The following AGAP1 variants were observed in gnomAD, a reference collection of about 807,000 sequenced individuals.
The protein encoded by AGAP1 is ArfGAP with GTPase domain, ankyrin repeat and PH domain 1.
Under a neutral mutation model 105.3 loss-of-function variants are expected in AGAP1, and 29 were observed. The ratio of observed to expected loss-of-function variants is 0.28; its 90% CI spans 0.21 to 0.38. The LOEUF is 0.38. Ranked by LOEUF, AGAP1 falls within the 10% of genes least tolerant of loss-of-function variation. The probability of loss-of-function intolerance (pLI) is 1.00; values close to 1 mark genes in which losing one functional copy is unlikely to be tolerated. For synonymous variants in AGAP1, 509 were observed against 485.9 expected, an observed-to-expected ratio of 1.05 and a Z score of -0.63; for missense variants, 998 against 1,165.1, an observed-to-expected ratio of 0.86 and a Z score of 2.09.
intron 6 of AGAP1, among the ~76,000 whole-genome samples, chr2:235,756,170 T>C (rs998868809): frequency 5.9e-5 from 9 of 152,216 alleles, no homozygotes; most frequent in Non-Finnish European, 1.0e-4. Context: ...TGTCTTCAAA[T>C]GCTTTGAGTT....
At chr2:235,498,935 CCA>C (rs1941441401) in intron 1 of AGAP1, among the ~76,000 whole-genome samples, 1 of 152,182 alleles carries the variant, frequency 6.6e-6, no homozygotes, top group African/African-American at 2.4e-5. Flanking sequence ...TATCTCAGCC[CCA>C]GTGTTTGGGG....
intron 6 of AGAP1, among the ~76,000 whole-genome samples, chr2:235,783,883 ATAGT>A (rs1956436275): frequency 6.6e-6 from 1 of 152,170 alleles, no homozygotes; most frequent in Non-Finnish European, 1.5e-5. Context: ...AAAGAACCTA[ATAGT>A]TAATCACGTG....
intron 16 of AGAP1, among the ~76,000 whole-genome samples, chr2:236,084,167 C>T (rs1463246175): frequency 1.3e-5 from 2 of 151,970 alleles, no homozygotes; most frequent in Non-Finnish European, 2.9e-5. Flanking sequence ...GGCTGGGAGG[C>T]CCCGGTGGGG....
intron 1 of AGAP1, among the ~76,000 whole-genome samples, chr2:235,618,310 AT>A (rs1193008090): frequency 6.6e-6 from 1 of 152,002 alleles, no homozygotes; most frequent in African/African-American, 2.4e-5. Flanking sequence ...TTTGTAGGTG[AT>A]TTTTCGGGAG....
At chr2:235,497,723 T>C (rs934557639) in intron 1 of AGAP1, among the ~76,000 whole-genome samples, 2 of 152,086 alleles carry the variant, frequency 1.3e-5, no homozygotes, top group Admixed American at 1.3e-4. Context: ...GCCTCCCGAG[T>C]AGCTGGGACT....
At chr2:235,706,115 C>T (rs1419737481) in intron 1 of AGAP1, among the ~76,000 whole-genome samples, 1 of 152,230 alleles carries the variant, frequency 6.6e-6, no homozygotes, top group African/African-American at 2.4e-5. Flanking sequence ...TGACTTCAGC[C>T]ATCTAGTTCC....
intron 16 of AGAP1, among the ~76,000 whole-genome samples, chr2:236,091,744 C>T (rs2059065863): frequency 6.6e-6 from 1 of 152,216 alleles, no homozygotes; most frequent in South Asian, 2.1e-4. Flanking sequence ...TGAACTCCAG[C>T]CTGGGCAACA....
rs572865138 is a variant in AGAP1 at position 235,622,130 on chromosome 2, T to G, written c.164-87049T>G. Among the ~76,000 whole-genome samples the G allele has an allele frequency of 6.6e-5, 10 of 152,200 alleles. No homozygotes were observed. The highest frequency in any genetic ancestry group is 1.3e-4 in the Non-Finnish European group (9 of 68,042). Reference sequence around the variant, plus strand: ...ACATGCAGACATCCAAAATAAACTTTTTTTTTTCTGTACAAAATTAGATTT... The same window carrying G: ...ACATGCAGACATCCAAAATAAACTTGTTTTTTTCTGTACAAAATTAGATTT... On this transcript the variant is annotated intron_variant, in intron 1 of 17. Coordinates refer to ENST00000304032, the MANE Select transcript of AGAP1 (RefSeq NM_001037131.3). The surrounding 1 kb of genome is among the most constrained non-coding windows in gnomAD (Gnocchi z 5.0).
At chr2:235,950,576 G>C (rs1232391350) in intron 12 of AGAP1, among the ~76,000 whole-genome samples, 1 of 152,038 alleles carries the variant, frequency 6.6e-6, no homozygotes, top group Non-Finnish European at 1.5e-5. Context: ...CACCCCAGGG[G>C]ATGAAGGCTG....
At chr2:235,947,559 TG>T (rs1447090288) in intron 12 of AGAP1, among the ~76,000 whole-genome samples, 2 of 152,254 alleles carry the variant, frequency 1.3e-5, no homozygotes, top group African/African-American at 4.8e-5. Context: ...AGTGTCTTTT[TG>T]TATAATGACT....
chr2:235,695,879 T>G (rs998929740), intron 1 of AGAP1, among the ~76,000 whole-genome samples: 1 of 152,172 alleles, frequency 6.6e-6, no homozygotes, highest in Admixed American at 6.5e-5. Context: ...CAGGAGATAC[T>G]GAATAACCAA....
At chr2:235,653,757 T>C (rs10460279) in intron 1 of AGAP1, among the ~76,000 whole-genome samples, 71,823 of 152,134 alleles carry the variant, frequency 0.47, 17,083 homozygotes, top group Middle Eastern at 0.55. Flanking sequence ...AATGGCCTTA[T>C]GTATTAAAAA....
rs186262498 is a variant in AGAP1 at position 235,734,954 on chromosome 2, C to T, written c.311-6009C>T. On this transcript the variant is annotated intron_variant, in intron 3 of 17. Transcript: ENST00000304032. This position sits in a 1 kb window ranked among gnomAD's most constrained non-coding sequence, Gnocchi z 5.3. ...ATTTGGGTGTTGCCAGTGATGTTTG[C>T]GTCATAAGATGGGGTGAGGGCTAAC... is the stretch of plus-strand genomic sequence containing the variant. 8.0e-6 allele frequency among the ~76,000 whole-genome samples: 1 copy of T among 125,216 alleles called. No individual in the cohort carries two copies. Among genetic ancestry groups the T allele is most frequent in the East Asian group, 2.1e-4 (1 of 4,778 alleles). 82.1% of individuals were successfully genotyped at this position (125,216 alleles called of 152,430 possible).
Position 236,011,220 on chromosome 2 carries a change from G to C in AGAP1, c.1646-25341G>C, listed in dbSNP as rs13394046. Among the ~76,000 whole-genome samples the C allele has an allele frequency of 7.3e-3, 1,118 of 152,294 alleles. 11 individuals are homozygous for C. The highest frequency in any genetic ancestry group is 0.026 in the African/African-American group (1,061 of 41,538). ...TCACGGTTCACGTTTTGGCACCATT[G>C]TGGGGACAGTGCTGTCCTCCCACGA... On this transcript the variant is annotated intron_variant, in intron 13 of 17. Coordinates refer to ENST00000304032, the MANE Select transcript of AGAP1 (RefSeq NM_001037131.3).
Position 236,114,760 on chromosome 2 carries a change from C to T in AGAP1, c.2115-5432C>T, listed in dbSNP as rs1177205883. ...TTAATTCTCTTCCTGAAGACCCCAT[C>T]TCCACATACAGCAACATTGAGGGTT... On this transcript the variant is annotated intron_variant, in intron 16 of 17. Transcript: ENST00000304032. The surrounding 1 kb of genome is among the most constrained non-coding windows in gnomAD (Gnocchi z 5.0). Among the ~76,000 whole-genome samples, 1 of 152,176 alleles carries T rather than the reference C, an allele frequency of 6.6e-6. No individual in the cohort carries two copies. The highest frequency in any genetic ancestry group is 1.5e-5 in the Non-Finnish European group (1 of 68,032).
chr2:235,708,255 G>T (rs1950651156), intron 1 of AGAP1, among the ~76,000 whole-genome samples: 1 of 152,226 alleles, frequency 6.6e-6, no homozygotes, highest in Non-Finnish European at 1.5e-5. Context: ...TTCTATCAGT[G>T]GGATGCACCT....
chr2:235,864,399 C>T lies in AGAP1; in HGVS notation c.1051-18946C>T, dbSNP rs530712561. On this transcript the variant is annotated intron_variant, in intron 9 of 17. Coordinates refer to ENST00000304032, the MANE Select transcript of AGAP1 (RefSeq NM_001037131.3). This position sits in a 1 kb window ranked among gnomAD's most constrained non-coding sequence, Gnocchi z 5.0. ...TCTTTAGCTATGGGAGAAATGGAGT[C>T]CATTTCCAGACCATGGTAAGTGCCC... Among the ~76,000 whole-genome samples the T allele has an allele frequency of 1.3e-5, 2 of 152,294 alleles. No individual in the cohort carries two copies. The highest frequency in any genetic ancestry group is 2.9e-5 in the Non-Finnish European group (2 of 68,030).
At chr2:236,022,816 G>A (rs957601598) in intron 13 of AGAP1, among the ~76,000 whole-genome samples, 4 of 152,146 alleles carry the variant, frequency 2.6e-5, no homozygotes, top group African/African-American at 9.7e-5. Flanking sequence ...AGGATTACAG[G>A]CTTGAGCTAC....
At chr2:235,677,959 C>CAAAAAAAAAAAAAA (rs1448333130) in intron 1 of AGAP1, among the ~76,000 whole-genome samples, 15 of 67,372 alleles carry the variant, frequency 2.2e-4, no homozygotes, top group Non-Finnish European at 4.3e-4. Flanking sequence ...AAAAAAAAAG[C>CAAAAAAAAAAAAAA]AAAACCAGTT....
Sources: gnomAD v4.1 joint callset for allele counts (sites outside exome capture counted in the v4.1 genomes callset) on GRCh38, gnomAD v4.1.1 for gene constraint, Gnocchi (gnomAD v3.1) non-coding constraint, MANE v1.5 for transcripts, NCBI Gene and HGNC (gene_info 2026-07-23, HGNC 2026-07-21) for gene names.